The following CLASP1 variants were observed in gnomAD, a reference collection of about 807,000 sequenced individuals.
The protein encoded by CLASP1 is CLIP-associating protein 1.
Under a neutral mutation model 192.3 loss-of-function variants are expected in CLASP1, and 38 were observed. The ratio of observed to expected loss-of-function variants is 0.20; its 90% CI spans 0.15 to 0.26. The LOEUF (loss-of-function observed/expected upper bound fraction) is 0.26. CLASP1 is among the 10% of genes least tolerant of loss of function. The probability of loss-of-function intolerance (pLI) is 1.00; values close to 1 mark genes in which losing one functional copy is unlikely to be tolerated. For missense variants in CLASP1, 1,433 were observed against 1,932.5 expected, an observed-to-expected ratio of 0.74 and a Z score of 4.85; for synonymous variants, 691 against 712.8, an observed-to-expected ratio of 0.97 and a Z score of 0.49.
At chr2:121,629,194 T>C (rs1471557526) in intron 1 of CLASP1, among the ~76,000 whole-genome samples, 1 of 151,164 alleles carries the variant, frequency 6.6e-6, no homozygotes, top group Non-Finnish European at 1.5e-5. Context: ...ATCAAGACCA[T>C]CCTGGCTAAC....
intron 7 of CLASP1, among the ~76,000 whole-genome samples, chr2:121,508,399 T>G (rs2094008336): frequency 6.6e-6 from 1 of 152,130 alleles, no homozygotes; most frequent in African/African-American, 2.4e-5. Context: ...AGTAGTACAC[T>G]AGAAAATATC....
intron 8 of CLASP1, among the ~76,000 whole-genome samples, chr2:121,483,540 G>A (rs981196518): frequency 6.6e-6 from 1 of 150,834 alleles, no homozygotes; most frequent in Non-Finnish European, 1.5e-5. Context: ...ATATATGTAT[G>A]TATATATGTG....
rs1340780861 is a variant in CLASP1 at position 121,340,867 on chromosome 2, G to A, written c.4611C>T (p.His1537=). 6 of 1,610,874 alleles carry A rather than the reference G, an allele frequency of 3.7e-6. No individual in the cohort carries two copies. The South Asian group carries it at 6.6e-5, about 18-fold the overall frequency. The change falls in exon 40 of 40, where the codon CAC becomes CAT. Residue 1537 remains histidine, a synonymous_variant. Coordinates refer to ENST00000263710, the Ensembl canonical transcript of CLASP1. ...CAAGAGACAGGTACTGCCATTAGCT[G>A]TGCGTGGAGACATCGGAGGAGGAGC... is the stretch of plus-strand genomic sequence containing the variant.
At chr2:121,427,319 A>G in intron 21 of CLASP1, 85 bp downstream of exon 21, 1 of 1,453,758 alleles carries the variant, frequency 6.9e-7, no homozygotes, top group Non-Finnish European at 9.4e-7. Flanking sequence ...TAAAGAGAGA[A>G]ATTAATATTG....
chr2:121,340,362 A>C (rs948984182), exon 40 of CLASP1: 2 of 153,478 alleles, frequency 1.3e-5, no homozygotes, highest in African/African-American at 4.8e-5. Context: ...AGTAGGTCTC[A>C]GAACACAACT....
At chr2:121,577,729 A>G (rs1457306541) in intron 2 of CLASP1, among the ~76,000 whole-genome samples, 1 of 152,194 alleles carries the variant, frequency 6.6e-6, no homozygotes, top group African/African-American at 2.4e-5. Flanking sequence ...GATTTAATGA[A>G]TAAAATACTG....
At chr2:121,490,527 TAA>T (rs1486571874) in intron 8 of CLASP1, among the ~76,000 whole-genome samples, 1 of 152,238 alleles carries the variant, frequency 6.6e-6, no homozygotes, top group East Asian at 1.9e-4. Flanking sequence ...TCTACTCATT[TAA>T]GAGAGTCTTC....
chr2:121,530,713 G>A, intron 2 of CLASP1: 2 of 506,886 alleles, frequency 3.9e-6, no homozygotes, highest in South Asian at 3.2e-5. Context: ...CCGCTTTTGC[G>A]ACCCTTCGGG....
At chr2:121,424,717 T>G (rs1404157344) in intron 22 of CLASP1, among the ~76,000 whole-genome samples, 1 of 152,192 alleles carries the variant, frequency 6.6e-6, no homozygotes, top group Admixed American at 6.5e-5. Flanking sequence ...TTTCACCAAT[T>G]AGATTAGAGA....
chr2:121,562,557 A>C (rs1576014769), intron 2 of CLASP1, among the ~76,000 whole-genome samples: 1 of 152,214 alleles, frequency 6.6e-6, no homozygotes, highest in East Asian at 1.9e-4. Context: ...CCATAAAATC[A>C]ACTGAGTAGA....
At chr2:121,507,988 A>C (rs910151772) in intron 7 of CLASP1, among the ~76,000 whole-genome samples, 2 of 152,210 alleles carry the variant, frequency 1.3e-5, no homozygotes, top group Non-Finnish European at 2.9e-5. Flanking sequence ...TAAATGAAAA[A>C]CAACAGTCCT....
chr2:121,429,825 A>C (rs368097790), intron 20 of CLASP1, among the ~76,000 whole-genome samples: 1 of 152,208 alleles, frequency 6.6e-6, no homozygotes, highest in Non-Finnish European at 1.5e-5. Flanking sequence ...AGGGCGAAAA[A>C]CTACATTTTA....
rs1038837859 is a variant in CLASP1, at chr2:121,388,229, A to G, written c.3124-323T>C. Reference sequence around the variant, plus strand: ...AGTAGGTAAATGAAACAATTAAAAAATTTTAAAAAGTTTAAGATTGATCCC... The same window carrying G: ...AGTAGGTAAATGAAACAATTAAAAAGTTTTAAAAAGTTTAAGATTGATCCC... On this transcript the variant is annotated intron_variant, in intron 30 of 39. Transcript: ENST00000263710. Among the ~76,000 whole-genome samples the G allele has an allele frequency of 2.6e-5, 4 of 152,360 alleles. No homozygotes were observed. In the South Asian group the frequency reaches 8.3e-4, roughly 32 times the overall value.
chr2:121,402,381 A>G (rs2076265173), intron 26 of CLASP1, among the ~76,000 whole-genome samples: 1 of 152,248 alleles, frequency 6.6e-6, no homozygotes, highest in African/African-American at 2.4e-5. Flanking sequence ...TTTCAGAGAG[A>G]AAAGTAGCAC....
At chr2:121,452,293 C>A (rs1248319059) in intron 14 of CLASP1, among the ~76,000 whole-genome samples, 2 of 152,158 alleles carry the variant, frequency 1.3e-5, no homozygotes, top group Admixed American at 1.3e-4. Flanking sequence ...AAACTAAGTG[C>A]TCTCCATATT....
rs184153559 is a variant in CLASP1, at chr2:121,526,061, C to A, written c.471-141G>T. On this transcript the variant is annotated intron_variant, in intron 5 of 39. Coordinates refer to ENST00000263710, the Ensembl canonical transcript of CLASP1. Reference sequence around the variant, plus strand: ...CAAGTCTCTCTCCATCCCATCCACACTGGCTCCAAAGTAAATGTGTCCGAT... The same window carrying A: ...CAAGTCTCTCTCCATCCCATCCACAATGGCTCCAAAGTAAATGTGTCCGAT... 304 of 649,362 alleles carry A rather than the reference C, an allele frequency of 4.7e-4. 1 individual carries two copies. In the African/African-American group the frequency reaches 5.2e-3, roughly 11 times the overall value. The allele number at this position is 649,362 out of a possible 1,614,324, so 40.2% of individuals were successfully genotyped here.
intron 9 of CLASP1, among the ~76,000 whole-genome samples, chr2:121,468,134 A>C (rs569953826): frequency 6.6e-6 from 1 of 152,070 alleles, no homozygotes; most frequent in African/African-American, 2.4e-5. Context: ...TCTCTCTTCT[A>C]TTCCATTGGT....
intron 37 of CLASP1, among the ~76,000 whole-genome samples, chr2:121,349,806 A>C (rs1020668005): frequency 6.6e-6 from 1 of 152,232 alleles, no homozygotes; most frequent in Non-Finnish European, 1.5e-5. Flanking sequence ...TTTGTAATAA[A>C]GATGGAAGCA....
chr2:121,522,114 A>T (rs1423286896), intron 6 of CLASP1, among the ~76,000 whole-genome samples: 1 of 152,168 alleles, frequency 6.6e-6, no homozygotes. Context: ...GATTGATTGT[A>T]TGTCTGTGTA....
Sources: gnomAD v4.1 joint callset for allele counts (sites outside exome capture counted in the v4.1 genomes callset) on GRCh38, gnomAD v4.1.1 for gene constraint, MANE v1.5 for transcripts, NCBI Gene and HGNC (gene_info 2026-07-23, HGNC 2026-07-21) for gene names.